MMP2: variants seen among roughly 807,000 people sequenced by gnomAD.
The protein encoded by MMP2 is matrix metallopeptidase 2, also known as 72 kDa type IV collagenase.
In MMP2, 39 loss-of-function variants were observed where a neutral mutation model predicts 74.8. That is an observed-to-expected ratio of 0.52 (90% CI 0.40 to 0.68). The LOEUF is 0.68. Among genes scored for constraint, MMP2 ranks in the 30% least tolerant of loss-of-function variants. The pLI is 0.00. For synonymous variants in MMP2, 367 were observed against 339.8 expected (o/e 1.08, Z -0.88); for missense variants, 803 against 878.3 (o/e 0.91, Z 1.08).
chr16:55,492,263 C>G (rs1962428652), intron 8 of MMP2, among the ~76,000 whole-genome samples: 1 of 152,108 alleles, frequency 6.6e-6, no homozygotes, highest in Admixed American at 6.5e-5. Flanking sequence ...CAGGTTTGAG[C>G]AACCCAGTGG....
At chr16:55,496,886 C>G (rs1322422555) in intron 9 of MMP2, 40 bp from the exon 10 acceptor site, 2 of 1,611,828 alleles carry the variant, frequency 1.2e-6, no homozygotes, top group South Asian at 2.2e-5. Flanking sequence ...TGCAGGGTGA[C>G]TGAAGATGTG....
chr16:55,502,166 C>A (rs1962682882), intron 11 of MMP2, among the ~76,000 whole-genome samples: 1 of 152,122 alleles, frequency 6.6e-6, no homozygotes, highest in South Asian at 2.1e-4. Context: ...ACCTCACTGC[C>A]CCAGCCATGG....
chr16:55,481,685 C>T, intron 1 of MMP2: 1 of 565,022 alleles, frequency 1.8e-6, no homozygotes, highest in Non-Finnish European at 3.2e-6. Context: ...TGTCCAGAGG[C>T]AATGCAGTGG....
chr16:55,482,154 G>T (rs1402303383), intron 1 of MMP2, among the ~76,000 whole-genome samples: 1 of 152,170 alleles, frequency 6.6e-6, no homozygotes, highest in Non-Finnish European at 1.5e-5. Context: ...TTGGTACATG[G>T]TAGGTATTAA....
At position 55,496,970 on chromosome 16, in the gene MMP2, C is replaced by A. The variant is rs780221729; in HGVS notation, c.1517C>A (p.Pro506His). 6.2e-7 allele frequency: 1 copy of A among 1,614,006 alleles called. No homozygotes were observed. The change falls in exon 10 of 13, where the codon CCC becomes CAC. Residue 506 changes from proline to histidine, a missense_variant. Pro to His is a moderately conservative substitution (Grantham distance 77, BLOSUM62 -2). Coordinates refer to ENST00000219070, the MANE Select transcript of MMP2 (RefSeq NM_004530.6). ...TVTPRDKPMG[P>H]LLVATFWPEL... ...ACGCCACGTGACAAGCCCATGGGGC[C>A]CCTGCTGGTGGCCACATTCTGGCCT... is the stretch of plus-strand genomic sequence containing the variant.
chr16:55,500,259 C>T (rs761657009), intron 11 of MMP2, among the ~76,000 whole-genome samples: 4 of 148,338 alleles, frequency 2.7e-5, no homozygotes, highest in African/African-American at 5.0e-5. Flanking sequence ...ACGCGTACTG[C>T]GAATGGCATC....
rs1437633507 is a variant in MMP2 at position 55,489,727 on chromosome 16, G to C, written c.1083G>C (p.Glu361Asp). 1.2e-6 allele frequency: 2 copies of C among 1,614,080 alleles called. No individual in the cohort carries two copies. The highest frequency in any genetic ancestry group is 1.1e-5 in the South Asian group (1 of 91,090). Reference protein sequence around the residue: ...FPFTFLGNKYESCTSAGRSDG... With the variant: ...FPFTFLGNKYDSCTSAGRSDG... The stretch of plus-strand genomic sequence containing the variant: ...TCACTTTCCTGGGCAACAAATATGA[G>C]AGCTGCACCAGCGCCGGCCGCAGTG... The change falls in exon 7 of 13, where the codon GAG becomes GAC. Residue 361 changes from glutamate to aspartate, a missense_variant. Physicochemically the swap from Glu to Asp is conservative, Grantham distance 45 (BLOSUM62 2). Coordinates refer to ENST00000219070, the MANE Select transcript of MMP2 (RefSeq NM_004530.6).
intron 11 of MMP2, 68 bp from the exon 12 acceptor site, chr16:55,502,711 C>T: frequency 7.0e-7 from 1 of 1,427,882 alleles, no homozygotes; most frequent in Admixed American, 1.7e-5. Context: ...TGGGTGCTCC[C>T]ATCCAGGCCA....
intron 12 of MMP2, 66 bp from the exon 13 acceptor site, chr16:55,505,273 C>T (rs1962770667): frequency 1.5e-6 from 2 of 1,369,068 alleles, no homozygotes; most frequent in Non-Finnish European, 2.1e-6. Flanking sequence ...TCAAAGTTCC[C>T]AGGAACCTTC....
chr16:55,480,288 G>A (rs1176468047), intron 1 of MMP2, among the ~76,000 whole-genome samples: 1 of 152,222 alleles, frequency 6.6e-6, no homozygotes, highest in African/African-American at 2.4e-5. Context: ...GAGGGAAGCA[G>A]AGAGCGCATC....
chr16:55,489,825 G>A lies in MMP2; in HGVS notation c.1180+1G>A. On this transcript the variant is annotated splice_donor_variant, in intron 7 of 12. Coordinates refer to ENST00000219070, the MANE Select transcript of MMP2 (RefSeq NM_004530.6). LOFTEE classifies it high-confidence loss of function. ...AAGTGGGGCTTCTGCCCTGACCAAG[G>A]TACGAGGCCCTGGTCATTGGACAGA... is the stretch of plus-strand genomic sequence containing the variant. 6.2e-7 allele frequency: 1 copy of A among 1,613,864 alleles called. No homozygotes were observed. The highest frequency in any genetic ancestry group is 8.5e-7 in the Non-Finnish European group (1 of 1,179,926).
At position 55,505,798 on chromosome 16, in the gene MMP2, C is replaced by A; in HGVS notation, c.*356C>A. The stretch of plus-strand genomic sequence containing the variant: ...CACAACCTTCTGTGGCTCACAGAAC[C>A]CTTGGAGCCAATGGAGACTGTCTCA... On this transcript the variant is annotated 3_prime_UTR_variant, in exon 13 of 13. Coordinates refer to ENST00000219070, the MANE Select transcript of MMP2 (RefSeq NM_004530.6). 1 of 361,116 alleles carries A rather than the reference C, an allele frequency of 2.8e-6. No individual in the cohort carries two copies. The highest frequency in any genetic ancestry group is 2.6e-5 in the South Asian group (1 of 38,320). The allele number at this position is 361,116 out of a possible 1,614,324, so 22.4% of individuals were successfully genotyped here. A position where few individuals can be genotyped will look rare whatever the true frequency, so the allele number is the denominator to read the frequency against.
chr16:55,483,892 C>G lies in MMP2; in HGVS notation c.381-124C>G, dbSNP rs1332952078. The stretch of plus-strand genomic sequence containing the variant: ...CACCCTTCCCGTGCTTGTGCATATA[C>G]TTGTATGTTCACATACACACACACA... On this transcript the variant is annotated intron_variant, in intron 2 of 12. Coordinates refer to ENST00000219070, the MANE Select transcript of MMP2 (RefSeq NM_004530.6). 24 of 999,034 alleles carry G rather than the reference C, an allele frequency of 2.4e-5. No homozygotes were observed. The Admixed American group carries it at 3.5e-4, about 14-fold the overall frequency. The allele number at this position is 999,034 out of a possible 1,614,324, so 61.9% of individuals were successfully genotyped here.
At chr16:55,479,741 G>C (rs563492088) in intron 1 of MMP2, 109 bp downstream of exon 1, 3 of 1,435,898 alleles carry the variant, frequency 2.1e-6, no homozygotes, top group Non-Finnish European at 2.9e-6. Context: ...GCGTGGGGGA[G>C]GGGCTTCGGT....
At chr16:55,486,666 C>T (rs12934241) in intron 5 of MMP2, 39,804 of 151,982 alleles carry the variant, frequency 0.26, 6,283 homozygotes, top group Admixed American at 0.36. Flanking sequence ...CACAAAAAGA[C>T]AATGTAACTT....
At chr16:55,494,290 T>G (rs1962484038) in intron 9 of MMP2, among the ~76,000 whole-genome samples, 1 of 152,378 alleles carries the variant, frequency 6.6e-6, no homozygotes, top group South Asian at 2.1e-4. Context: ...TGTACCTTGG[T>G]TTCCTCATTT....
chr16:55,491,948 A>G lies in MMP2; in HGVS notation c.1328A>G (p.Glu443Gly). Residue 443 changes from glutamate to glycine, a missense_variant, in exon 8 of 13, where the codon GAG (glutamate) becomes GGG (glycine). Glu to Gly is a moderately conservative substitution (Grantham distance 98). Around this residue, in one of 3 missense-constraint regions of MMP2, gnomAD observed 555 missense variants for 592.0 expected, o/e 0.94. Transcript: ENST00000219070. ...LSQDDIKGIQ[E>G]LYGASPDIDL... Reference sequence around the variant, plus strand: ...CAGGATGACATCAAGGGCATTCAGGAGCTCTATGGTAAACCTCCGGGCGGG... The same window carrying G: ...CAGGATGACATCAAGGGCATTCAGGGGCTCTATGGTAAACCTCCGGGCGGG... 4 of 1,568,162 alleles carry G rather than the reference A, an allele frequency of 2.6e-6. No individual in the cohort carries two copies. Among genetic ancestry groups the G allele is most frequent in the Non-Finnish European group, 3.5e-6 (4 of 1,154,656 alleles).
intron 9 of MMP2, among the ~76,000 whole-genome samples, chr16:55,496,209 C>T (rs9923164): frequency 0.34 from 51,105 of 152,046 alleles, 9,996 homozygotes; most frequent in Non-Finnish European, 0.44. Flanking sequence ...TCTCAGGTGA[C>T]GCAGATGCTG....
In MMP2 at chr16:55,504,691, C is replaced by T. The variant is rs1240808000; in HGVS notation, c.1880-648C>T. The stretch of plus-strand genomic sequence containing the variant: ...TTTTTGAGACAGAGTCTCCCTCTGT[C>T]GCCCAGGCTGGAGTGCAGTGGCGCG... On this transcript the variant is annotated intron_variant, in intron 12 of 12. Coordinates refer to ENST00000219070, the MANE Select transcript of MMP2 (RefSeq NM_004530.6). 3.9e-4 allele frequency among the ~76,000 whole-genome samples: 58 copies of T among 148,136 alleles called. 1 individual carries two copies. In the Middle Eastern group the frequency reaches 0.011, roughly 28 times the overall value.
Sources: allele counts gnomAD v4.1 joint callset (sites outside exome capture counted in the v4.1 genomes callset), GRCh38; gene constraint gnomAD v4.1.1; regional missense constraint gnomAD v4.1.1; transcripts MANE v1.5; gene names NCBI Gene and HGNC (gene_info 2026-07-23, HGNC 2026-07-21).